Variants in SH2B1 observed in about 807,000 individuals in gnomAD.
The protein encoded by SH2B1 is SH2B adapter protein 1.
Under a neutral mutation model 62.6 loss-of-function variants are expected in SH2B1, and 15 were observed. That is an observed-to-expected ratio of 0.24 (90% CI 0.16 to 0.37). The LOEUF (loss-of-function observed/expected upper bound fraction) is 0.37. Among genes scored for constraint, SH2B1 ranks in the 10% least tolerant of loss-of-function variants. SH2B1 has a pLI of 1.00. For synonymous variants in SH2B1, 443 were observed against 438.0 expected, an observed-to-expected ratio of 1.01 and a Z score of -0.14; for missense variants, 925 against 1,015.6, an observed-to-expected ratio of 0.91 and a Z score of 1.21.
At chr16:28,862,926 AT>A (rs530377937), upstream of SH2B1, 674 of 121,764 alleles carry the variant, frequency 5.5e-3, 2 homozygotes, top group African/African-American at 0.015. Context: ...CCCTGACCTC[AT>A]TTTTTTTTTT....
Position 28,874,110 on chromosome 16 carries a change from G to A in SH2B1, c.*290G>A, listed in dbSNP as rs1335562318. On this transcript the variant is annotated 3_prime_UTR_variant, in exon 8 of 8. Transcript: ENST00000684370. ...AACTACCCCCAGCCCGAGGCAGGGTGAGGGGGAAGGGCTGTCAGTTACATT... is the reference window on the plus strand; with the variant it reads ...AACTACCCCCAGCCCGAGGCAGGGTAAGGGGGAAGGGCTGTCAGTTACATT... 2.9e-6 allele frequency: 1 copy of A among 350,754 alleles called. No homozygotes were observed. Among genetic ancestry groups the A allele is most frequent in the East Asian group, 4.3e-5 (1 of 23,502 alleles). 21.7% of individuals were successfully genotyped at this position (350,754 alleles called of 1,614,324 possible).
rs1463719713 is a variant in SH2B1 at position 28,869,052 on chromosome 16, A to G, written c.1088A>G (p.His363Arg). 14 of 1,614,150 alleles carry G rather than the reference A, an allele frequency of 8.7e-6. No individual in the cohort carries two copies. The highest frequency in any genetic ancestry group is 1.2e-5 in the Non-Finnish European group (14 of 1,180,008). The change falls in exon 3 of 8, where the codon CAT (histidine) becomes CGT (arginine). Residue 363 changes from histidine (H) to arginine (R), a missense_variant. By Grantham distance (29) the His-to-Arg change is conservative. Around this residue, in one of 3 missense-constraint regions of SH2B1, gnomAD observed 683 missense variants for 704.0 expected, o/e 0.97. Coordinates refer to ENST00000684370, the MANE Select transcript of SH2B1 (RefSeq NM_001387430.1). ...EYIMETVDAQ[H>R]VKAWVSDIQE... is the part of the protein sequence containing the mutation. ...ATCATGGAGACAGTGGATGCCCAGC[A>G]TGTGAAGGCCTGGGTGTCTGACATC...
At chr16:28,853,073 T>C (rs1239954316) in intron 1 of SH2B1, among the ~76,000 whole-genome samples, 1 of 117,750 alleles carries the variant, frequency 8.5e-6, no homozygotes, top group Non-Finnish European at 1.6e-5. Flanking sequence ...TATGTACATA[T>C]ATATTTATAT....
chr16:28,858,948 A>G (rs928240568), upstream of SH2B1, among the ~76,000 whole-genome samples: 9 of 152,026 alleles, frequency 5.9e-5, 1 homozygote, highest in African/African-American at 2.2e-4. Context: ...TTTCTCAAAA[A>G]AAAAAAAAAA....
At chr16:28,858,948 A>C (rs928240568), upstream of SH2B1, among the ~76,000 whole-genome samples, 18 of 151,910 alleles carry the variant, frequency 1.2e-4, no homozygotes, top group Admixed American at 9.2e-4. Context: ...TTTCTCAAAA[A>C]AAAAAAAAAA....
In SH2B1 at chr16:28,873,804, A is replaced by G. The variant is rs1963185670; in HGVS notation, c.2255A>G (p.Gln752Arg). The G allele has an allele frequency of 1.4e-6, 2 of 1,448,994 alleles. No individual in the cohort carries two copies. Among genetic ancestry groups the G allele is most frequent in the East Asian group, 2.6e-5 (1 of 38,972 alleles). 89.8% of individuals were successfully genotyped at this position (1,448,994 alleles called of 1,614,324 possible). A position where few individuals can be genotyped will look rare whatever the true frequency, so the allele number is the denominator to read the frequency against. ...GGCCACCCCAGGGCCATTAACAACC[A>G]GTACTCCTTCGTGTGAGCCAACCCC... ...EGGHPRAINN[Q>R]YSFV Residue 752 changes from glutamine (Q) to arginine (R), a missense_variant, in exon 8 of 8, where the codon CAG (glutamine) becomes CGG (arginine). Coordinates refer to ENST00000684370, the MANE Select transcript of SH2B1 (RefSeq NM_001387430.1). The surrounding 1 kb of genome is among the most constrained non-coding windows in gnomAD (Gnocchi z 4.2).
chr16:28,863,903 G>A lies in SH2B1; in HGVS notation c.-2192G>A. 1 of 1,201,980 alleles carries A rather than the reference G, an allele frequency of 8.3e-7. No individual in the cohort carries two copies. Among genetic ancestry groups the A allele is most frequent in the South Asian group, 1.4e-5 (1 of 70,664 alleles). 74.5% of individuals were successfully genotyped at this position (1,201,980 alleles called of 1,614,324 possible). A position where few individuals can be genotyped will look rare whatever the true frequency, so the allele number is the denominator to read the frequency against. ...GGCGCAGGGAGCGGGAGCCGCCGCC[G>A]CCGCCGCCGCCGCCGGAGCTAACCT... On this transcript the variant is annotated 5_prime_UTR_variant, in exon 1 of 8. Transcript: ENST00000684370.
intron 2 of SH2B1, 135 bp from the exon 3 acceptor site, chr16:28,868,871 C>T: frequency 1.4e-6 from 1 of 717,934 alleles, no homozygotes; most frequent in Admixed American, 2.0e-5. Context: ...CAGGTGTGAG[C>T]CTCTGTACCC....
rs916045823 is a variant in SH2B1, at chr16:28,873,460, C to T, written c.1911C>T (p.Ser637=). The T allele has an allele frequency of 6.4e-7, 1 of 1,567,480 alleles. No homozygotes were observed. The highest frequency in any genetic ancestry group is 8.6e-7 in the Non-Finnish European group (1 of 1,162,224). The change falls in exon 8 of 8, where the codon TCC becomes TCT. Residue 637 remains serine, a synonymous_variant. Transcript: ENST00000684370. This position sits in a 1 kb window ranked among gnomAD's most constrained non-coding sequence, Gnocchi z 4.2. ...ATTCCTATCCAGAACCGACCACCTC[C>T]CATGACCCACCCCAGCCCCCTGAAC... is the stretch of plus-strand genomic sequence containing the variant. ...SSQRQQEPTT[S]HDPPQPPEPP... is the part of the protein sequence containing the mutation.
Position 28,872,374 on chromosome 16 carries a change from C to A in SH2B1, c.1698C>A (p.Leu566=). 1.9e-6 allele frequency: 3 copies of A among 1,609,732 alleles called. No individual in the cohort carries two copies. Among genetic ancestry groups the A allele is most frequent in the Non-Finnish European group, 2.5e-6 (3 of 1,177,186 alleles). Reference sequence around the variant, plus strand: ...AGACAAGGCGGGGTGAATACGTCCTCACCTTCAACTTCCAGGGCAAGGCCA... The same window carrying A: ...AGACAAGGCGGGGTGAATACGTCCTAACCTTCAACTTCCAGGGCAAGGCCA... ...QSETRRGEYV[L]TFNFQGKAKH... The change falls in exon 6 of 8, where the codon CTC becomes CTA. Residue 566 remains leucine, a synonymous_variant. Coordinates refer to ENST00000684370, the MANE Select transcript of SH2B1 (RefSeq NM_001387430.1). This position sits in a 1 kb window ranked among gnomAD's most constrained non-coding sequence, Gnocchi z 5.3.
chr16:28,873,199 G>T lies in SH2B1; in HGVS notation c.1898-248G>T, dbSNP rs1344524193. ...GGAGCAGGCTGGGAGCCATGCGGGG[G>T]TGTGCGAGGGAGATGGATGCCACCC... On this transcript the variant is annotated intron_variant, in intron 7 of 7. Coordinates refer to ENST00000684370, the MANE Select transcript of SH2B1 (RefSeq NM_001387430.1). The surrounding 1 kb of genome is among the most constrained non-coding windows in gnomAD (Gnocchi z 4.2). 6.3e-7 allele frequency: 1 copy of T among 1,596,150 alleles called. No individual in the cohort carries two copies. The highest frequency in any genetic ancestry group is 8.5e-7 in the Non-Finnish European group (1 of 1,175,290).
chr16:28,863,979 A>G lies in SH2B1; in HGVS notation c.-2116A>G. 1.5e-6 allele frequency: 2 copies of G among 1,377,534 alleles called. No individual in the cohort carries two copies. Among genetic ancestry groups the G allele is most frequent in the Non-Finnish European group, 1.9e-6 (2 of 1,066,952 alleles). 85.3% of individuals were successfully genotyped at this position (1,377,534 alleles called of 1,614,324 possible). On this transcript the variant is annotated 5_prime_UTR_variant, in exon 1 of 8. Coordinates refer to ENST00000684370, the MANE Select transcript of SH2B1 (RefSeq NM_001387430.1). ...GGAACCGGAACCCCCCTCTTCAAGTACCTTTTCCCTCTCCGCGACCCGGCC... is the reference window on the plus strand; with the variant it reads ...GGAACCGGAACCCCCCTCTTCAAGTGCCTTTTCCCTCTCCGCGACCCGGCC...
upstream of SH2B1, chr16:28,863,639 T>TC: frequency 1.3e-6 from 2 of 1,521,150 alleles, no homozygotes; most frequent in Admixed American, 4.0e-5. Flanking sequence ...TCCAAGCACT[T>TC]CCCCCGCTGC....
chr16:28,852,809 C>T (rs187320183), intron 1 of SH2B1, among the ~76,000 whole-genome samples: 22,437 of 39,398 alleles, frequency 0.57, 7,290 homozygotes, highest in South Asian at 0.85. Context: ...TATATATTTA[C>T]ATATATTTAC....
chr16:28,865,304 TG>T lies in SH2B1; in HGVS notation c.-788del, dbSNP rs1477424017. 8.1e-6 allele frequency: 8 copies of T among 985,684 alleles called. No homozygotes were observed. The South Asian group carries it at 1.9e-4, about 23-fold the overall frequency. 61.1% of individuals were successfully genotyped at this position (985,684 alleles called of 1,614,324 possible). On this transcript the variant is annotated 5_prime_UTR_variant, in exon 1 of 8. Transcript: ENST00000684370. ...TTTCACATCTCCTTCACGCAGTGCG[TG>T]GGTGCTGGACTCTGGGGTCAGCTTT...
chr16:28,852,668 TTA>T lies in SH2B1; in HGVS notation c.-301+5851_-301+5852del, dbSNP rs1397302185. Among the ~76,000 whole-genome samples, 17 of 84,640 alleles carry T rather than the reference TTA, an allele frequency of 2.0e-4. 4 individuals carry two copies. The highest frequency in any genetic ancestry group is 5.0e-4 in the African/African-American group (10 of 19,918). 55.5% of individuals were successfully genotyped at this position (84,640 alleles called of 152,430 possible). A position where few individuals can be genotyped will look rare whatever the true frequency, so the allele number is the denominator to read the frequency against. ...TATTTATATATATACACATATATAT[TTA>T]TATATATATTTACATATATATTTAT... On this transcript the variant is annotated intron_variant, in intron 1 of 10. Transcript: ENST00000322610.
intron 1 of SH2B1, among the ~76,000 whole-genome samples, chr16:28,853,522 CTTT>C (rs543507752): frequency 7.9e-6 from 1 of 127,132 alleles, no homozygotes; most frequent in Non-Finnish European, 1.6e-5. Flanking sequence ...CCCACTTTTT[CTTT>C]TTTTTTTTTT....
intron 4 of SH2B1, among the ~76,000 whole-genome samples, chr16:28,871,314 G>A (rs1963018199): frequency 6.6e-6 from 1 of 152,082 alleles, no homozygotes; most frequent in Admixed American, 6.5e-5. Flanking sequence ...CACTGCGCCT[G>A]GCCCAGGACT....
chr16:28,867,152 T>C, intron 1 of SH2B1, 119 bp downstream of exon 1: 1 of 1,458,320 alleles, frequency 6.9e-7, no homozygotes, highest in Non-Finnish European at 9.4e-7. Flanking sequence ...GCTCACTTTT[T>C]GTTGGTAAAG....
Sources: allele counts gnomAD v4.1 joint callset (sites outside exome capture counted in the v4.1 genomes callset), GRCh38; gene constraint gnomAD v4.1.1; regional missense constraint gnomAD v4.1.1; non-coding constraint Gnocchi (gnomAD v3.1); transcripts MANE v1.5; gene names NCBI Gene and HGNC (gene_info 2026-07-23, HGNC 2026-07-21).